Variants in TMC1 observed in about 807,000 individuals in gnomAD.
TMC1 encodes transmembrane channel-like protein 1.
Under a neutral mutation model 105.8 loss-of-function variants are expected in TMC1, and 84 were observed. That is an observed-to-expected ratio of 0.79 (90% CI 0.67 to 0.95). The LOEUF (loss-of-function observed/expected upper bound fraction) is 0.95. TMC1 is among the 40% of genes least tolerant of loss of function. TMC1 has a pLI of 0.00. For synonymous variants in TMC1, 315 were observed against 311.5 expected, an observed-to-expected ratio of 1.01 and a Z score of -0.12; for missense variants, 817 against 914.1, an observed-to-expected ratio of 0.89 and a Z score of 1.37.
intron 1 of TMC1, among the ~76,000 whole-genome samples, chr9:72,577,081 A>G (rs1306893856): frequency 6.6e-6 from 1 of 152,100 alleles, no homozygotes; most frequent in Non-Finnish European, 1.5e-5. Context: ...ACAGCATACA[A>G]TTTAAGGATA....
rs2132050318 is a variant in TMC1, at chr9:72,521,745, A to G, written c.-596A>G. The G allele has an allele frequency of 1.3e-5, 2 of 152,204 alleles. No individual in the cohort carries two copies. Among genetic ancestry groups the G allele is most frequent in the South Asian group, 4.1e-4 (2 of 4,820 alleles). 9.4% of individuals were successfully genotyped at this position (152,204 alleles called of 1,614,324 possible). ...GTGACAGAGCAAGACTCCGTCACAA[A>G]AAAAAAAAGAAAAAAGAAACACCAG... is the stretch of plus-strand genomic sequence containing the variant. On this transcript the variant is annotated 5_prime_UTR_variant, in exon 1 of 24. Coordinates refer to ENST00000297784, the MANE Select transcript of TMC1 (RefSeq NM_138691.3).
chr9:72,663,932 C>G (rs572726686), intron 5 of TMC1, among the ~76,000 whole-genome samples: 1 of 151,974 alleles, frequency 6.6e-6, no homozygotes, highest in Admixed American at 6.6e-5. Flanking sequence ...AACACAATAC[C>G]CTAGGTCTAC....
At chr9:72,713,906 G>A (rs1264077306) in intron 8 of TMC1, among the ~76,000 whole-genome samples, 2 of 151,914 alleles carry the variant, frequency 1.3e-5, no homozygotes, top group Non-Finnish European at 1.5e-5. Context: ...TGGGCTTTTA[G>A]TGCTATAAAT....
rs556940646 is a variant in TMC1, at chr9:72,540,393, A to G, written c.-428+18480A>G. On this transcript the variant is annotated intron_variant, in intron 1 of 23. Transcript: ENST00000297784. ...GGCTTGCATGACTTCCCTAAGGTAC[A>G]ATGGCAGAGATAGCCACATGGGTAG... is the stretch of plus-strand genomic sequence containing the variant. Among the ~76,000 whole-genome samples the G allele has an allele frequency of 1.1e-4, 16 of 152,298 alleles. No individual in the cohort carries two copies. The East Asian group carries it at 2.9e-3, about 28-fold the overall frequency.
At chr9:72,787,800 A>G (rs1828194227) in intron 13 of TMC1, among the ~76,000 whole-genome samples, 1 of 152,166 alleles carries the variant, frequency 6.6e-6, no homozygotes, top group Non-Finnish European at 1.5e-5. Context: ...GAGTAGATGG[A>G]AATTTAATGT....
At position 72,705,631 on chromosome 9, in the gene TMC1, A is replaced by G. The variant is rs117879654; in HGVS notation, c.362+4988A>G. On this transcript the variant is annotated intron_variant, in intron 8 of 23. Coordinates refer to ENST00000297784, the MANE Select transcript of TMC1 (RefSeq NM_138691.3). ...AGAATGCTTCTGTGGCTATTAAAAT[A>G]AAAAACAGTTTTAAAAACCCACTTA... 7.3e-3 allele frequency among the ~76,000 whole-genome samples: 1,116 copies of G among 152,316 alleles called. 14 individuals carry two copies. The highest frequency in any genetic ancestry group is 0.012 in the Non-Finnish European group (818 of 68,026).
chr9:72,774,798 G>A (rs747104736), intron 13 of TMC1, among the ~76,000 whole-genome samples: 1 of 152,114 alleles, frequency 6.6e-6, no homozygotes, highest in Non-Finnish European at 1.5e-5. Flanking sequence ...AAAAAGAATT[G>A]ATGAGATATA....
intron 2 of TMC1, among the ~76,000 whole-genome samples, chr9:72,598,670 G>T (rs968003077): frequency 6.6e-6 from 1 of 152,106 alleles, no homozygotes; most frequent in Non-Finnish European, 1.5e-5. Context: ...TGCTAGGAAG[G>T]CCCAACTAAT....
Position 72,820,825 on chromosome 9 carries a change from T to C in TMC1, c.1764-17T>C. ...AGTAAAGACTCAAAACTGAGCAGAG[T>C]TCTGTTTTCTTTCTAGGATGGGCTC... On this transcript the variant is annotated splice_polypyrimidine_tract_variant and intron_variant, in intron 19 of 23. Transcript: ENST00000297784. The C allele has an allele frequency of 6.2e-7, 1 of 1,613,446 alleles. No homozygotes were observed. The highest frequency in any genetic ancestry group is 8.5e-7 in the Non-Finnish European group (1 of 1,179,914).
At chr9:72,568,593 A>C (rs1261171955) in intron 1 of TMC1, among the ~76,000 whole-genome samples, 1 of 152,186 alleles carries the variant, frequency 6.6e-6, no homozygotes, top group South Asian at 2.1e-4. Flanking sequence ...ATAGTTATGA[A>C]ATCATGATTG....
intron 2 of TMC1, among the ~76,000 whole-genome samples, chr9:72,606,982 C>CGTGCATAT (rs1418890651): frequency 7.2e-4 from 102 of 142,062 alleles, no homozygotes; most frequent in African/African-American, 2.2e-3. Context: ...TGTGTGTGTG[C>CGTGCATAT]ATATATATAT....
At chr9:72,625,642 C>T (rs569055241) in intron 3 of TMC1, among the ~76,000 whole-genome samples, 77 of 148,858 alleles carry the variant, frequency 5.2e-4, no homozygotes, top group African/African-American at 1.6e-3. Context: ...GAGCTGAGAT[C>T]GCGCCACTGT....
At chr9:72,608,269 CA>C (rs1824958724) in intron 2 of TMC1, among the ~76,000 whole-genome samples, 1 of 152,190 alleles carries the variant, frequency 6.6e-6, no homozygotes. Flanking sequence ...TCGTATTCTT[CA>C]ACAAATTATC....
rs570400350 is a variant in TMC1, at chr9:72,646,772, A to AT, written c.-52-1818dup. 2.8e-4 allele frequency among the ~76,000 whole-genome samples: 42 copies of AT among 151,416 alleles called. No homozygotes were observed. In the East Asian group the frequency reaches 7.4e-3, roughly 27 times the overall value. On this transcript the variant is annotated intron_variant, in intron 4 of 23. Coordinates refer to ENST00000297784, the MANE Select transcript of TMC1 (RefSeq NM_138691.3). ...GAAGTATCTGTTCAAATCTTTTACC[A>AT]TTTTTTTCCTGTAGGTGTGCTTGTC...
intron 18 of TMC1, among the ~76,000 whole-genome samples, chr9:72,809,248 A>G (rs1828651427): frequency 6.6e-6 from 1 of 152,210 alleles, no homozygotes; most frequent in Non-Finnish European, 1.5e-5. Context: ...CATGACCTGG[A>G]TGCATAAAAG....
chr9:72,810,750 G>A (rs1261128964), intron 18 of TMC1, among the ~76,000 whole-genome samples: 3 of 152,244 alleles, frequency 2.0e-5, no homozygotes, highest in East Asian at 3.9e-4. Context: ...GTATGCAAAT[G>A]TAGTATAATT....
chr9:72,541,100 TCAGTTTCCATCTCTAGCCC>T (rs955724276), intron 1 of TMC1, among the ~76,000 whole-genome samples: 1 of 152,188 alleles, frequency 6.6e-6, no homozygotes, highest in Non-Finnish European at 1.5e-5. Context: ...AAATTGTTCT[TCAGTTTCCATCTCTAGCCC>T]CATAATCTTT....
At chr9:72,540,501 CT>C (rs33939022) in intron 1 of TMC1, among the ~76,000 whole-genome samples, 79,554 of 151,706 alleles carry the variant, frequency 0.52, 21,822 homozygotes, top group African/African-American at 0.69. Context: ...CTCGTTCTGA[CT>C]TTTTTTTCTT....
intron 8 of TMC1, among the ~76,000 whole-genome samples, chr9:72,717,452 G>A (rs985006922): frequency 7.9e-5 from 12 of 152,050 alleles, no homozygotes; most frequent in African/African-American, 2.2e-4. Context: ...TCCATGGTTC[G>A]TTTCAATATT....
Sources: gnomAD v4.1 joint callset for allele counts (sites outside exome capture counted in the v4.1 genomes callset) on GRCh38, gnomAD v4.1.1 for gene constraint, MANE v1.5 for transcripts, NCBI Gene and HGNC (gene_info 2026-07-23, HGNC 2026-07-21) for gene names.